Variants in PPP1R1C observed in about 807,000 individuals in gnomAD.
PPP1R1C encodes protein phosphatase 1 regulatory inhibitor subunit 1C.
Under a neutral mutation model 17.4 loss-of-function variants are expected in PPP1R1C, and 15 were observed. The observed-to-expected ratio is 0.86, with a 90% CI of 0.58 to 1.33. PPP1R1C has a LOEUF of 1.33. Ranked by LOEUF, PPP1R1C falls within the 40% of genes most tolerant of loss-of-function variation. The pLI, the probability that PPP1R1C is intolerant of heterozygous loss-of-function variation, is 0.00. For missense variants in PPP1R1C, 143 were observed against 130.0 expected (o/e 1.10, Z -0.48); for synonymous variants, 35 against 43.1 (o/e 0.81, Z 0.73).
intron 2 of PPP1R1C, among the ~76,000 whole-genome samples, chr2:182,031,310 A>C (rs994271900): frequency 9.2e-5 from 14 of 152,226 alleles, no homozygotes; most frequent in Admixed American, 2.6e-4. Flanking sequence ...TGATGATTAT[A>C]TTTGGATAGT....
At chr2:182,092,979 A>T (rs930362138) in intron 4 of PPP1R1C, among the ~76,000 whole-genome samples, 1 of 152,062 alleles carries the variant, frequency 6.6e-6, no homozygotes, top group Non-Finnish European at 1.5e-5. Context: ...TGACAGCTCC[A>T]CTAGTTGATG....
chr2:182,016,929 A>G (rs1686278932), intron 2 of PPP1R1C, among the ~76,000 whole-genome samples: 2 of 152,194 alleles, frequency 1.3e-5, no homozygotes, highest in African/African-American at 4.8e-5. Flanking sequence ...TGTGATTCAT[A>G]GCCAAATTTC....
At chr2:182,024,194 C>A (rs1686520053) in intron 2 of PPP1R1C, among the ~76,000 whole-genome samples, 2 of 152,112 alleles carry the variant, frequency 1.3e-5, no homozygotes, top group Non-Finnish European at 2.9e-5. Flanking sequence ...TAAATCTGAG[C>A]AAGTTAAAAA....
rs1476341185 is a variant in PPP1R1C at position 182,107,863 on chromosome 2, G to A, written c.242-9344G>A. ...TGAGGTCTTCTCGCCTACCACATCT[G>A]TTCCTTTTCATAGCCTGCCTTTCTG... On this transcript the variant is annotated intron_variant, in intron 4 of 4. Coordinates refer to ENST00000682840, the MANE Select transcript of PPP1R1C (RefSeq NM_001080545.3). Among the ~76,000 whole-genome samples the A allele has an allele frequency of 2.0e-5, 3 of 151,858 alleles. No homozygotes were observed. The East Asian group carries it at 5.8e-4, about 30-fold the overall frequency.
At chr2:181,987,393 A>G (rs1302668167) in intron 1 of PPP1R1C, among the ~76,000 whole-genome samples, 1 of 152,190 alleles carries the variant, frequency 6.6e-6, no homozygotes. Flanking sequence ...ATTGAAATTC[A>G]AAGCTTATGC....
intron 2 of PPP1R1C, among the ~76,000 whole-genome samples, chr2:181,980,555 G>A (rs1368601007): frequency 1.3e-5 from 2 of 152,190 alleles, no homozygotes; most frequent in African/African-American, 4.8e-5. Context: ...CATCAGTAAA[G>A]ACCTACAGTG....
intron 2 of PPP1R1C, among the ~76,000 whole-genome samples, chr2:182,058,422 G>T (rs2125194290): frequency 6.6e-6 from 1 of 152,142 alleles, no homozygotes; most frequent in Admixed American, 6.6e-5. Flanking sequence ...TATGACTTGT[G>T]TTGCCCTTGG....
At chr2:182,065,588 G>T (rs764833927) in intron 4 of PPP1R1C, among the ~76,000 whole-genome samples, 1 of 152,100 alleles carries the variant, frequency 6.6e-6, no homozygotes. Flanking sequence ...GGGCACCATG[G>T]TACATGCTTA....
At chr2:181,965,658 T>C (rs1048572666) in intron 1 of PPP1R1C, among the ~76,000 whole-genome samples, 1 of 152,198 alleles carries the variant, frequency 6.6e-6, no homozygotes, top group African/African-American at 2.4e-5. Flanking sequence ...TTGGTCTGTG[T>C]CTGTTTTTAT....
intron 5 of PPP1R1C, among the ~76,000 whole-genome samples, chr2:182,128,643 C>T (rs200103227): frequency 3.7e-5 from 3 of 81,194 alleles, no homozygotes; most frequent in African/African-American, 1.5e-4. Flanking sequence ...TATGTATGTA[C>T]GTATGTATAT....
intron 4 of PPP1R1C, among the ~76,000 whole-genome samples, chr2:182,107,374 C>T (rs1204006205): frequency 6.6e-6 from 1 of 152,168 alleles, no homozygotes; most frequent in African/African-American, 2.4e-5. Context: ...TTGTCCCCAT[C>T]CTTGCCATTG....
Position 182,054,454 on chromosome 2 carries a change from C to T in PPP1R1C, c.143-6988C>T, listed in dbSNP as rs1261576343. 2.6e-5 allele frequency among the ~76,000 whole-genome samples: 4 copies of T among 152,162 alleles called. No homozygotes were observed. In the East Asian group the frequency reaches 7.7e-4, roughly 29 times the overall value. ...ATATTTATACTCACTCCTTCCTCCT[C>T]TCACTATTCTTGATCCCTGGCAACT... On this transcript the variant is annotated intron_variant, in intron 2 of 4. Coordinates refer to ENST00000682840, the MANE Select transcript of PPP1R1C (RefSeq NM_001080545.3).
At chr2:181,995,415 C>A (rs918864499) in intron 2 of PPP1R1C, among the ~76,000 whole-genome samples, 1 of 152,126 alleles carries the variant, frequency 6.6e-6, no homozygotes, top group Non-Finnish European at 1.5e-5. Context: ...ACCCAAGAAG[C>A]CACATGAGGT....
intron 4 of PPP1R1C, among the ~76,000 whole-genome samples, chr2:182,081,144 A>G (rs1688463325): frequency 6.6e-6 from 1 of 152,170 alleles, no homozygotes; most frequent in African/African-American, 2.4e-5. Context: ...CAGTGTGTGC[A>G]GTTGTTGGGA....
intron 2 of PPP1R1C, among the ~76,000 whole-genome samples, chr2:182,040,538 G>A (rs1258137084): frequency 6.6e-6 from 1 of 152,072 alleles, no homozygotes; most frequent in Non-Finnish European, 1.5e-5. Context: ...TGAGTTGCTT[G>A]TAGATTCTGG....
chr2:182,052,275 A>C (rs780019869), intron 2 of PPP1R1C, among the ~76,000 whole-genome samples: 12 of 152,218 alleles, frequency 7.9e-5, no homozygotes, highest in Non-Finnish European at 1.8e-4. Flanking sequence ...TCATCAGATT[A>C]AAAAAGTGTC....
chr2:182,111,652 G>T (rs1689441198), intron 4 of PPP1R1C, among the ~76,000 whole-genome samples: 1 of 151,796 alleles, frequency 6.6e-6, no homozygotes, highest in Non-Finnish European at 1.5e-5. Context: ...CTGAGAGATG[G>T]TGGACCTTTA....
intron 3 of PPP1R1C, among the ~76,000 whole-genome samples, chr2:182,062,021 T>C (rs1394428274): frequency 6.6e-6 from 1 of 152,042 alleles, no homozygotes; most frequent in Non-Finnish European, 1.5e-5. Flanking sequence ...TAGGAGTTTA[T>C]ATAGAAAATA....
rs887777010 is a variant in PPP1R1C at position 182,053,121 on chromosome 2, A to G, written c.143-8321A>G. 3.3e-5 allele frequency among the ~76,000 whole-genome samples: 5 copies of G among 152,214 alleles called. No homozygotes were observed. In the East Asian group the frequency reaches 9.6e-4, roughly 29 times the overall value. On this transcript the variant is annotated intron_variant, in intron 2 of 4. Coordinates refer to ENST00000682840, the MANE Select transcript of PPP1R1C (RefSeq NM_001080545.3). The stretch of plus-strand genomic sequence containing the variant: ...ATGTTGATAATTTCATCCGTTCAAG[A>G]AGGATATTAGTATGAAAAACAAACC...
Sources: allele counts gnomAD v4.1 joint callset (sites outside exome capture counted in the v4.1 genomes callset), GRCh38; gene constraint gnomAD v4.1.1; transcripts MANE v1.5; gene names NCBI Gene and HGNC (gene_info 2026-07-23, HGNC 2026-07-21).